The following IQSEC1 variants were observed in gnomAD, a reference collection of about 807,000 sequenced individuals.
The protein encoded by IQSEC1 is IQ motif and SEC7 domain-containing protein 1.
In IQSEC1, 31 loss-of-function variants were observed where a neutral mutation model predicts 91.0. The ratio of observed to expected loss-of-function variants is 0.34; its 90% CI spans 0.26 to 0.46. The LOEUF (loss-of-function observed/expected upper bound fraction) is 0.46, where lower values mean the gene tolerates loss of function less well. Among genes scored for constraint, IQSEC1 ranks in the 20% least tolerant of loss-of-function variants. The probability of loss-of-function intolerance (pLI) is 1.00; values close to 1 mark genes in which losing one functional copy is unlikely to be tolerated. For synonymous variants in IQSEC1, 699 were observed against 662.6 expected, an observed-to-expected ratio of 1.05 and a Z score of -0.84; for missense variants, 1,388 against 1,575.6, an observed-to-expected ratio of 0.88 and a Z score of 2.02.
chr3:13,263,399 G>T (rs1156634266), intron 1 of IQSEC1, among the ~76,000 whole-genome samples: 8 of 140,228 alleles, frequency 5.7e-5, no homozygotes, highest in Non-Finnish European at 7.7e-5. Flanking sequence ...TCCTTTGGGG[G>T]GAAAAAAGTA....
chr3:12,971,260 A>G (rs1700877535), intron 1 of IQSEC1, among the ~76,000 whole-genome samples: 1 of 152,194 alleles, frequency 6.6e-6, no homozygotes, highest in African/African-American at 2.4e-5. Context: ...GCAGAATCCA[A>G]ACATGGGGGA....
At chr3:13,101,129 G>A (rs767126434) in intron 2 of IQSEC1, among the ~76,000 whole-genome samples, 22 of 152,200 alleles carry the variant, frequency 1.4e-4, no homozygotes, top group Admixed American at 1.2e-3. Context: ...TAAGCGCAGC[G>A]AGGAGCCATG....
In IQSEC1 at chr3:12,967,045, C is replaced by G. The variant is rs1319136765; in HGVS notation, c.24-25180G>C. Among the ~76,000 whole-genome samples, 2 of 151,964 alleles carry G rather than the reference C, an allele frequency of 1.3e-5. No individual in the cohort carries two copies. Among genetic ancestry groups the G allele is most frequent in the African/African-American group, 4.8e-5 (2 of 41,366 alleles). On this transcript the variant is annotated intron_variant, in intron 1 of 13. Transcript: ENST00000613206. This position sits in a 1 kb window ranked among gnomAD's most constrained non-coding sequence, Gnocchi z 5.9. ...ACACCGAGTCCCACTGTTTCCCTCTCAAGCCCCCAAACTCAAACTCACCCC... is the reference window on the plus strand; with the variant it reads ...ACACCGAGTCCCACTGTTTCCCTCTGAAGCCCCCAAACTCAAACTCACCCC...
intron 1 of IQSEC1, among the ~76,000 whole-genome samples, chr3:13,009,593 C>A (rs1031547806): frequency 6.6e-6 from 1 of 151,564 alleles, no homozygotes; most frequent in African/African-American, 2.4e-5. Flanking sequence ...GACCCTCATC[C>A]CTCACCTCCT....
At position 12,967,194 on chromosome 3, in the gene IQSEC1, G is replaced by C. The variant is rs920779993; in HGVS notation, c.24-25329C>G. ...GTCTCTCTCTCCCACGCACAAACTC[G>C]GGTCCTGTTTGCTCTTCTCTCACCC... On this transcript the variant is annotated intron_variant, in intron 1 of 13. Coordinates refer to ENST00000613206, the MANE Select transcript of IQSEC1 (RefSeq NM_001134382.3). This position sits in a 1 kb window ranked among gnomAD's most constrained non-coding sequence, Gnocchi z 5.9. Among the ~76,000 whole-genome samples the C allele has an allele frequency of 6.6e-6, 1 of 152,124 alleles. No homozygotes were observed. Among genetic ancestry groups the C allele is most frequent in the East Asian group, 1.9e-4 (1 of 5,180 alleles).
chr3:12,899,800 G>A lies in IQSEC1; in HGVS notation c.*1183C>T. 1.0e-6 allele frequency: 1 copy of A among 985,358 alleles called. No individual in the cohort carries two copies. Among genetic ancestry groups the A allele is most frequent in the Non-Finnish European group, 1.2e-6 (1 of 829,928 alleles). The allele number at this position is 985,358 out of a possible 1,614,324, so 61.0% of individuals were successfully genotyped here. On this transcript the variant is annotated 3_prime_UTR_variant, in exon 14 of 14. Transcript: ENST00000613206. The stretch of plus-strand genomic sequence containing the variant: ...GTTCCTGATGAAAACACTCTCTGAG[G>A]GCTTCGGCCTGGTGTGGGTTGGAGG...
chr3:12,931,794 G>A lies in IQSEC1; in HGVS notation c.1568+3654C>T, dbSNP rs180740921. Reference sequence around the variant, plus strand: ...TGCTGGGCCCCAGGGGCTGGGCGCCGAGTGTAGGGGAGGCCAGGTCCACAG... The same window carrying A: ...TGCTGGGCCCCAGGGGCTGGGCGCCAAGTGTAGGGGAGGCCAGGTCCACAG... On this transcript the variant is annotated intron_variant, in intron 3 of 13. Coordinates refer to ENST00000613206, the MANE Select transcript of IQSEC1 (RefSeq NM_001134382.3). Among the ~76,000 whole-genome samples the A allele has an allele frequency of 1.4e-3, 206 of 152,310 alleles. 1 individual carries two copies. Among genetic ancestry groups the A allele is most frequent in the Non-Finnish European group, 2.0e-3 (138 of 68,018 alleles).
Position 12,994,465 on chromosome 3 carries a change from C to CG in IQSEC1, c.24-52601dup, listed in dbSNP as rs1454540432. Reference sequence around the variant, plus strand: ...CGCTGCAGCGGATGGGTCAGGAGAGCGGGGTACGCGGGGTCCAGGCGCGGA... The same window carrying CG: ...CGCTGCAGCGGATGGGTCAGGAGAGCGGGGGTACGCGGGGTCCAGGCGCGGA... On this transcript the variant is annotated intron_variant, in intron 1 of 13. Transcript: ENST00000613206. The surrounding 1 kb of genome is among the most constrained non-coding windows in gnomAD (Gnocchi z 4.5). Among the ~76,000 whole-genome samples, 2 of 151,990 alleles carry CG rather than the reference C, an allele frequency of 1.3e-5. No homozygotes were observed. Among genetic ancestry groups the CG allele is most frequent in the Non-Finnish European group, 2.9e-5 (2 of 67,986 alleles).
At chr3:13,250,537 T>A (rs1451067987) in intron 1 of IQSEC1, among the ~76,000 whole-genome samples, 2 of 144,770 alleles carry the variant, frequency 1.4e-5, no homozygotes, top group African/African-American at 2.5e-5. Context: ...CAGGTTCACA[T>A]GATTCTCCTG....
intron 1 of IQSEC1, among the ~76,000 whole-genome samples, chr3:13,239,002 G>A (rs1694977266): frequency 6.6e-6 from 1 of 152,188 alleles, no homozygotes; most frequent in African/African-American, 2.4e-5. Flanking sequence ...ACGCCCACCA[G>A]CCTTTCCTCA....
chr3:13,034,208 C>G (rs557708638), intron 1 of IQSEC1, among the ~76,000 whole-genome samples: 1 of 152,334 alleles, frequency 6.6e-6, no homozygotes, highest in East Asian at 1.9e-4. Context: ...CGTCTCCCCC[C>G]AGAGTCAACT....
chr3:12,984,949 C>T (rs973315383), intron 1 of IQSEC1, among the ~76,000 whole-genome samples: 2 of 150,934 alleles, frequency 1.3e-5, no homozygotes, highest in Non-Finnish European at 2.9e-5. Flanking sequence ...CTCAGCCTCC[C>T]GAGTAGCTGG....
At chr3:13,113,873 C>T (rs1706292196) in intron 2 of IQSEC1, among the ~76,000 whole-genome samples, 1 of 152,242 alleles carries the variant, frequency 6.6e-6, no homozygotes, top group Admixed American at 6.5e-5. Context: ...CGATGGCCAT[C>T]CATGGCGGAC....
At position 12,908,024 on chromosome 3, in the gene IQSEC1, G is replaced by A. The variant is rs746187140; in HGVS notation, c.2755+325C>T. On this transcript the variant is annotated intron_variant, in intron 12 of 13. Transcript: ENST00000613206. The surrounding 1 kb of genome is among the most constrained non-coding windows in gnomAD (Gnocchi z 4.9). ...ACAGAGAGCACGGGACACAGCCGCC[G>A]GCTCACTCGGGCTAGAGCGACTTCC... Among the ~76,000 whole-genome samples the A allele has an allele frequency of 4.6e-5, 7 of 152,186 alleles. No individual in the cohort carries two copies. Among genetic ancestry groups the A allele is most frequent in the African/African-American group, 1.2e-4 (5 of 41,434 alleles).
chr3:13,012,964 CTTTTT>C (rs35541458), intron 1 of IQSEC1, among the ~76,000 whole-genome samples: 1 of 97,544 alleles, frequency 1.0e-5, no homozygotes, highest in Non-Finnish European at 1.9e-5. Flanking sequence ...AAAGTCTGGG[CTTTTT>C]TTTTTTTTTT....
chr3:13,124,424 T>C (rs1354393580), intron 2 of IQSEC1, among the ~76,000 whole-genome samples: 1 of 152,308 alleles, frequency 6.6e-6, no homozygotes, highest in South Asian at 2.1e-4. Context: ...GAAGATCACA[T>C]CCAGTGATTG....
intron 1 of IQSEC1, among the ~76,000 whole-genome samples, chr3:13,195,569 A>G (rs990067124): frequency 6.6e-6 from 1 of 152,274 alleles, no homozygotes; most frequent in South Asian, 2.1e-4. Flanking sequence ...TACACACGAC[A>G]GCTTGGACAG....
chr3:13,047,905 G>T (rs1247010803), intron 1 of IQSEC1, among the ~76,000 whole-genome samples: 1 of 152,132 alleles, frequency 6.6e-6, no homozygotes, highest in Admixed American at 6.5e-5. Context: ...CCTGCACCAG[G>T]AATCTCAGCA....
At chr3:12,981,397 C>T (rs1701449379) in intron 1 of IQSEC1, among the ~76,000 whole-genome samples, 1 of 152,090 alleles carries the variant, frequency 6.6e-6, no homozygotes, top group African/African-American at 2.4e-5. Context: ...TAGGCATTTG[C>T]TTATGTATAT....
Sources: allele counts gnomAD v4.1 joint callset (sites outside exome capture counted in the v4.1 genomes callset), GRCh38; gene constraint gnomAD v4.1.1; non-coding constraint Gnocchi (gnomAD v3.1); transcripts MANE v1.5; gene names NCBI Gene and HGNC (gene_info 2026-07-23, HGNC 2026-07-21).